ITGA10: variants seen among roughly 807,000 people sequenced by gnomAD.
ITGA10 encodes integrin alpha-10.
A neutral mutation model predicts 145.2 loss-of-function variants in ITGA10; 105 were observed. That is an observed-to-expected ratio of 0.72 (90% CI 0.62 to 0.85). The LOEUF (loss-of-function observed/expected upper bound fraction) is 0.85, where lower values mean the gene tolerates loss of function less well. Ranked by LOEUF, ITGA10 falls within the 40% of genes least tolerant of loss-of-function variation. The pLI is 0.00. For synonymous variants in ITGA10, 506 were observed against 557.8 expected, an observed-to-expected ratio of 0.91 and a Z score of 1.31; for missense variants, 1,317 against 1,444.5, an observed-to-expected ratio of 0.91 and a Z score of 1.43.
At chr1:145,895,939 A>T (rs782809229) in intron 25 of ITGA10, 44 bp downstream of exon 25, 18 of 1,459,882 alleles carry the variant, frequency 1.2e-5, no homozygotes, top group Non-Finnish European at 1.9e-6. Context: ...TGAGTCCACC[A>T]GCTCAAGGTG....
In ITGA10 at chr1:145,895,337, C is replaced by T; in HGVS notation, c.3171G>A (p.Lys1057=). Residue 1057 remains lysine (K), a synonymous_variant, in exon 27 of 30, where the codon AAG becomes AAA. Coordinates refer to ENST00000369304, the MANE Select transcript of ITGA10 (RefSeq NM_003637.5). ...ATAGTCCAACAGAGACCTCAGTCCC[C>T]TTTGCCAGCTGCCCAAGGTGGCACC... ...VVRCHLGQLA[K]GTEVSVGLLR... is the part of the protein sequence containing the mutation. The T allele has an allele frequency of 2.5e-6, 4 of 1,614,182 alleles. No homozygotes were observed. The highest frequency in any genetic ancestry group is 1.3e-5 in the African/African-American group (1 of 75,054).
Position 145,893,581 on chromosome 1 carries a change from C to T in ITGA10, c.3283G>A (p.Gly1095Ser). 1 of 1,613,368 alleles carries T rather than the reference C, an allele frequency of 6.2e-7. No homozygotes were observed. ...VSTFELGTEEGSVLQLTEASR... is the reference protein window; with the variant it reads ...VSTFELGTEESSVLQLTEASR... ...GCTTCAGTCAGCTGTAGGACACTGC[C>T]CTCTTCGGTTCCCAGCTCAAAGGTG... Residue 1095 changes from glycine to serine, a missense_variant, in exon 28 of 30, where the codon GGC (glycine) becomes AGC (serine). Transcript: ENST00000369304.
intron 5 of ITGA10, among the ~76,000 whole-genome samples, chr1:145,905,282 A>C (rs377005684): frequency 6.8e-6 from 1 of 147,382 alleles, no homozygotes; most frequent in Non-Finnish European, 1.5e-5. Context: ...TGGGTAGAGA[A>C]CATTTTTTTT....
intron 3 of ITGA10, 82 bp downstream of exon 3, chr1:145,906,959 A>C: frequency 8.3e-7 from 1 of 1,211,962 alleles, no homozygotes; most frequent in Non-Finnish European, 1.2e-6. Context: ...TTTAGGGGTG[A>C]AAAAGCTGAG....
intron 4 of ITGA10, 40 bp from the exon 5 acceptor site, chr1:145,906,548 G>A (rs1460669548): frequency 1.3e-6 from 2 of 1,550,660 alleles, no homozygotes; most frequent in Admixed American, 1.7e-5. Context: ...GCTTGGGAGG[G>A]CACCCTCAGA....
rs1156755920 is a variant in ITGA10, at chr1:145,906,722, C to G, written c.366+11G>C. ...TTCAGAGACACTGCCACCACCCTCT[C>G]CTTAGCTCACCATGAATCCCCCATC... On this transcript the variant is annotated intron_variant, in intron 4 of 29. Transcript: ENST00000369304. 6.3e-7 allele frequency: 1 copy of G among 1,596,010 alleles called. No homozygotes were observed. The highest frequency in any genetic ancestry group is 8.6e-7 in the Non-Finnish European group (1 of 1,163,718).
At chr1:145,903,008 C>T in intron 7 of ITGA10, 47 bp from the exon 8 acceptor site, 2 of 842,584 alleles carry the variant, frequency 2.4e-6, no homozygotes, top group Non-Finnish European at 3.4e-6. Context: ...TGCAGACACA[C>T]ACACACACAC....
Position 145,902,811 on chromosome 1 carries a change from T to C in ITGA10, c.909A>G (p.Ala303=), listed in dbSNP as rs1656543458. 5.6e-6 allele frequency: 9 copies of C among 1,606,512 alleles called. No homozygotes were observed. In the South Asian group the frequency reaches 1.0e-4, roughly 18 times the overall value. The change falls in exon 8 of 30, where the codon GCA becomes GCG. Residue 303 remains alanine, a splice_region_variant and synonymous_variant. Coordinates refer to ENST00000369304, the MANE Select transcript of ITGA10 (RefSeq NM_003637.5). ...EAGRVTRYGI[A]VLGHYLRRQR... ...TTCCAGATCCAGGGTGAATTCTCAC[T>C]GCAATCCCATAGCGTGTCACTCTTC... is the stretch of plus-strand genomic sequence containing the variant.
chr1:145,895,741 C>T, intron 25 of ITGA10, 30 bp from the exon 26 acceptor site: 1 of 1,606,842 alleles, frequency 6.2e-7, no homozygotes, highest in Non-Finnish European at 8.5e-7. Context: ...GAAAGACCCT[C>T]CTGATGGGGT....
At chr1:145,898,862 A>G in intron 17 of ITGA10, 74 bp downstream of exon 17, 1 of 1,523,260 alleles carries the variant, frequency 6.6e-7, no homozygotes, top group South Asian at 1.3e-5. Flanking sequence ...TGATTCAGCT[A>G]AAATTCCTCC....
rs781928163 is a variant in ITGA10, at chr1:145,893,638, A to G, written c.3229-3T>C. On this transcript the variant is annotated splice_region_variant and splice_polypyrimidine_tract_variant and intron_variant, in intron 27 of 29. Transcript: ENST00000369304. The stretch of plus-strand genomic sequence containing the variant: ...ACCGTCAGGGACTTGAACTTGGCCT[A>G]TGGAACAAGTGGATAGGAAGACATT... The G allele has an allele frequency of 8.1e-6, 13 of 1,610,836 alleles. No individual in the cohort carries two copies. The South Asian group carries it at 9.9e-5, about 12-fold the overall frequency.
At position 145,900,165 on chromosome 1, in the gene ITGA10, G is replaced by C. The variant is rs782663102; in HGVS notation, c.1814C>G (p.Pro605Arg). Residue 605 changes from proline (P) to arginine (R), a missense_variant, in exon 15 of 30, where the codon CCA becomes CGA. Transcript: ENST00000369304. ...TCGGCCAAAGTAGCTGAGGGCATGT[G>C]GCATGGAGGCAGCAGCAATCCTCTG... ...PAQRIAAASM[P>R]HALSYFGRSV... The C allele has an allele frequency of 6.2e-7, 1 of 1,613,550 alleles. No homozygotes were observed.
At chr1:145,908,467 C>G (rs1657451306) in intron 1 of ITGA10, among the ~76,000 whole-genome samples, 1 of 152,154 alleles carries the variant, frequency 6.6e-6, no homozygotes, top group Non-Finnish European at 1.5e-5. Context: ...CAACTGGTCC[C>G]CTACCTACCT....
In ITGA10 at chr1:145,901,556, T is replaced by TC. The variant is rs782303074; in HGVS notation, c.1402dup (p.Asp468GlyfsTer22). The TC allele has an allele frequency of 4.4e-6, 7 of 1,603,726 alleles. No individual in the cohort carries two copies. The Admixed American group carries it at 1.0e-4, about 24-fold the overall frequency. On this transcript the variant is annotated frameshift_variant, in exon 12 of 30. Transcript: ENST00000369304. LOFTEE classifies it high-confidence loss of function. This position sits in a 1 kb window ranked among gnomAD's most constrained non-coding sequence, Gnocchi z 4.3. ...GCTCTGGGCAACCCTCACAGCCCCA[T>TC]CTTTCTTAAGCTGGAAGGCGATGAC...
At position 145,898,140 on chromosome 1, in the gene ITGA10, A is replaced by G; in HGVS notation, c.2316T>C (p.Asn772=). 6 of 1,614,096 alleles carry G rather than the reference A, an allele frequency of 3.7e-6. No homozygotes were observed. The highest frequency in any genetic ancestry group is 4.2e-6 in the Non-Finnish European group (5 of 1,179,974). Reference sequence around the variant, plus strand: ...TTTGTATAGAGGTGGGTGAGCCCTCATTCAGCACAGGCCCTGGCTTTGTAG... The same window carrying G: ...TTTGTATAGAGGTGGGTGAGCCCTCGTTCAGCACAGGCCCTGGCTTTGTAG... ...DNTTKPGPVL[N]EGSPTSIQKL... is the part of the protein sequence containing the mutation. The change falls in exon 18 of 30, where the codon AAT becomes AAC. Residue 772 remains asparagine (N), a synonymous_variant. Coordinates refer to ENST00000369304, the MANE Select transcript of ITGA10 (RefSeq NM_003637.5).
At position 145,898,202 on chromosome 1, in the gene ITGA10, G is replaced by A. The variant is rs781788239; in HGVS notation, c.2254C>T (p.Pro752Ser). 2 of 1,613,310 alleles carry A rather than the reference G, an allele frequency of 1.2e-6. No homozygotes were observed. The highest frequency in any genetic ancestry group is 2.7e-5 in the African/African-American group (2 of 74,900). ...HVLDTSDYLR[P>S]VALTVTFALD... ...GCAAAGGTCACAGTCAAGGCCACTG[G>A]CCGGAGGTAATCTGATGTATCCTGA... The change falls in exon 18 of 30, where the codon CCA (proline) becomes TCA (serine). Residue 752 changes from proline (P) to serine (S), a missense_variant. By Grantham distance (74) the Pro-to-Ser change is moderately conservative. Coordinates refer to ENST00000369304, the MANE Select transcript of ITGA10 (RefSeq NM_003637.5).
Position 145,901,694 on chromosome 1 carries a change from G to C in ITGA10, c.1295-30C>G. 6 of 1,540,110 alleles carry C rather than the reference G, an allele frequency of 3.9e-6. No homozygotes were observed. Among genetic ancestry groups the C allele is most frequent in the Non-Finnish European group, 5.2e-6 (6 of 1,145,308 alleles). The stretch of plus-strand genomic sequence containing the variant: ...AAGTGGGCAAAGTAACAGAGGTAAA[G>C]GAAAAGAAGATGGGGTCCAGAGTAG... On this transcript the variant is annotated intron_variant, in intron 11 of 29. Coordinates refer to ENST00000369304, the MANE Select transcript of ITGA10 (RefSeq NM_003637.5). The surrounding 1 kb of genome is among the most constrained non-coding windows in gnomAD (Gnocchi z 4.3).
Position 145,897,100 on chromosome 1 carries a change from G to A in ITGA10, c.2668-13C>T, listed in dbSNP as rs1553745463. The A allele has an allele frequency of 1.9e-6, 3 of 1,610,136 alleles. No individual in the cohort carries two copies. The highest frequency in any genetic ancestry group is 3.3e-5 in the Admixed American group (2 of 60,008). Reference sequence around the variant, plus strand: ...GCAGAAAGGTCACCTAGGGGCAGGGGACACAGGGTAATGGTAGAGTCTTCC... The same window carrying A: ...GCAGAAAGGTCACCTAGGGGCAGGGAACACAGGGTAATGGTAGAGTCTTCC... On this transcript the variant is annotated splice_polypyrimidine_tract_variant and intron_variant, in intron 21 of 29. Coordinates refer to ENST00000369304, the MANE Select transcript of ITGA10 (RefSeq NM_003637.5).
In ITGA10 at chr1:145,907,074, C is replaced by CT; in HGVS notation, c.240_241insA (p.Ala81SerfsTer13). ...CCCTTGGCACATGGGGCATTGTGGG[C>CT]CCCCCCTACAGGGCAGCGATAAACG... On this transcript the variant is annotated frameshift_variant, in exon 3 of 30. Coordinates refer to ENST00000369304, the MANE Select transcript of ITGA10 (RefSeq NM_003637.5). LOFTEE classifies it high-confidence loss of function. The CT allele has an allele frequency of 1.9e-6, 3 of 1,559,226 alleles. No individual in the cohort carries two copies. Among genetic ancestry groups the CT allele is most frequent in the Non-Finnish European group, 2.6e-6 (3 of 1,150,728 alleles).
Sources: gnomAD v4.1 joint callset for allele counts (sites outside exome capture counted in the v4.1 genomes callset) on GRCh38, gnomAD v4.1.1 for gene constraint, Gnocchi (gnomAD v3.1) non-coding constraint, MANE v1.5 for transcripts, NCBI Gene and HGNC (gene_info 2026-07-23, HGNC 2026-07-21) for gene names.